Variants in CADM2 observed in about 807,000 individuals in gnomAD.
CADM2 encodes the protein cell adhesion molecule 2.
Under a neutral mutation model 49.8 loss-of-function variants are expected in CADM2, and 12 were observed. The observed-to-expected ratio is 0.24, with a 90% confidence interval of 0.15 to 0.39. The LOEUF is 0.39. Ranked by LOEUF, CADM2 falls within the 10% of genes least tolerant of loss-of-function variation. The pLI is 1.00. For synonymous variants in CADM2, 214 were observed against 175.4 expected (o/e 1.22, Z -1.74); for missense variants, 378 against 492.3 (o/e 0.77, Z 2.20).
At chr3:85,687,406 G>T (rs1461007312) in intron 1 of CADM2, among the ~76,000 whole-genome samples, 1 of 151,974 alleles carries the variant, frequency 6.6e-6, no homozygotes, top group African/African-American at 2.4e-5. Context: ...ACAAATGAAA[G>T]AATTGTGGAG....
intron 1 of CADM2, among the ~76,000 whole-genome samples, chr3:85,662,454 A>G (rs2065438574): frequency 6.6e-6 from 1 of 152,014 alleles, no homozygotes; most frequent in Non-Finnish European, 1.5e-5. Flanking sequence ...AATTGAGTCC[A>G]GCATTTTCTT....
intron 1 of CADM2, among the ~76,000 whole-genome samples, chr3:85,707,935 G>A (rs2067000943): frequency 6.6e-6 from 1 of 152,118 alleles, no homozygotes; most frequent in Non-Finnish European, 1.5e-5. Context: ...TTTTTGGAGA[G>A]CTTATCTATT....
At chr3:85,285,668 G>A (rs2106909069) in intron 1 of CADM2, among the ~76,000 whole-genome samples, 1 of 152,090 alleles carries the variant, frequency 6.6e-6, no homozygotes, top group Admixed American at 6.6e-5. Flanking sequence ...AAAAAGGACA[G>A]AATTTAAGTA....
intron 1 of CADM2, among the ~76,000 whole-genome samples, chr3:85,084,151 T>A (rs1373223460): frequency 2.0e-5 from 3 of 152,210 alleles, no homozygotes; most frequent in Non-Finnish European, 4.4e-5. Flanking sequence ...TAGGCTTTTC[T>A]GTAGTTGTAA....
At chr3:85,775,266 C>A (rs2070305178) in intron 2 of CADM2, among the ~76,000 whole-genome samples, 1 of 151,754 alleles carries the variant, frequency 6.6e-6, no homozygotes, top group African/African-American at 2.4e-5. Flanking sequence ...ATTTACAATT[C>A]TTTCAAATCT....
intron 1 of CADM2, among the ~76,000 whole-genome samples, chr3:85,133,844 C>CCCGCG (rs1250101947): frequency 1.3e-5 from 2 of 152,258 alleles, no homozygotes; most frequent in East Asian, 3.9e-4. Flanking sequence ...GCCTGCCAGT[C>CCCGCG]CCGCGCCGTG....
At chr3:85,912,922 G>A (rs528815150) in intron 6 of CADM2, among the ~76,000 whole-genome samples, 2 of 152,238 alleles carry the variant, frequency 1.3e-5, no homozygotes, top group South Asian at 2.1e-4. Flanking sequence ...TTATGCAATT[G>A]TGGCTTCTCA....
intron 1 of CADM2, among the ~76,000 whole-genome samples, chr3:85,324,498 C>G (rs1470229701): frequency 1.3e-5 from 2 of 152,092 alleles, no homozygotes; most frequent in Non-Finnish European, 2.9e-5. Flanking sequence ...TCTTTTGATC[C>G]ACAACTCACC....
At chr3:85,611,396 A>G (rs1177985833) in intron 1 of CADM2, among the ~76,000 whole-genome samples, 1 of 151,896 alleles carries the variant, frequency 6.6e-6, no homozygotes, top group Admixed American at 6.6e-5. Context: ...ATCTCAGCAT[A>G]TCACGAAATT....
At chr3:85,743,706 T>C (rs1225953713) in intron 2 of CADM2, among the ~76,000 whole-genome samples, 4 of 152,170 alleles carry the variant, frequency 2.6e-5, no homozygotes, top group Non-Finnish European at 4.4e-5. Context: ...CAGGAATTCA[T>C]ACACTGAATA....
At chr3:86,015,073 G>A in intron 8 of CADM2, 1 of 655,286 alleles carries the variant, frequency 1.5e-6, no homozygotes, top group South Asian at 2.0e-5. Flanking sequence ...CCCTATACAA[G>A]TAAGTCAGAG....
intron 2 of CADM2, chr3:85,800,863 C>T (rs1362313305): frequency 6.6e-6 from 1 of 152,182 alleles, no homozygotes. Flanking sequence ...GCCATCTGGC[C>T]GGGGAATCCC....
intron 8 of CADM2, chr3:86,014,374 G>T: frequency 7.0e-7 from 1 of 1,438,302 alleles, no homozygotes; most frequent in African/African-American, 1.4e-5. Flanking sequence ...GCAGCTGGTA[G>T]CTTGACTGTA....
At chr3:85,008,182 TGAGA>T (rs764994889) in intron 1 of CADM2, among the ~76,000 whole-genome samples, 2 of 152,096 alleles carry the variant, frequency 1.3e-5, no homozygotes, top group Non-Finnish European at 2.9e-5. Flanking sequence ...AATGGTGGAG[TGAGA>T]GAGAGGACCT....
At chr3:85,078,616 A>G (rs1002871467) in intron 1 of CADM2, among the ~76,000 whole-genome samples, 7 of 151,864 alleles carry the variant, frequency 4.6e-5, no homozygotes, top group Admixed American at 1.3e-4. Flanking sequence ...CCAATTTTAC[A>G]TTCATAACTT....
At chr3:85,956,573 G>C (rs1021396941) in intron 7 of CADM2, among the ~76,000 whole-genome samples, 2 of 151,260 alleles carry the variant, frequency 1.3e-5, no homozygotes, top group African/African-American at 4.8e-5. Flanking sequence ...GAAGGATTTA[G>C]ATCAGTGTCA....
At chr3:85,658,576 G>GTGTATATATA (rs1460728518) in intron 1 of CADM2, among the ~76,000 whole-genome samples, 33 of 68,726 alleles carry the variant, frequency 4.8e-4, no homozygotes, top group Non-Finnish European at 7.9e-4. Flanking sequence ...GGATATATGT[G>GTGTATATATA]TATATATATA....
At chr3:85,830,431 A>G (rs555254606) in intron 3 of CADM2, among the ~76,000 whole-genome samples, 10 of 152,030 alleles carry the variant, frequency 6.6e-5, no homozygotes, top group Admixed American at 6.6e-4. Context: ...TTGACCCTTT[A>G]TCACATAAAT....
chr3:85,633,589 T>G (rs1214456639), intron 1 of CADM2, among the ~76,000 whole-genome samples: 1 of 152,038 alleles, frequency 6.6e-6, no homozygotes, highest in Non-Finnish European at 1.5e-5. Flanking sequence ...TTCTTAAAAT[T>G]CAAACATTGT....
Sources: gnomAD v4.1 joint callset for allele counts (sites outside exome capture counted in the v4.1 genomes callset) on GRCh38, gnomAD v4.1.1 for gene constraint, MANE v1.5 for transcripts, NCBI Gene and HGNC (gene_info 2026-07-23, HGNC 2026-07-21) for gene names.